SMIM35: variants seen among roughly 807,000 people sequenced by gnomAD.
SMIM35 encodes the protein TMPRSS4 antisense RNA 1 (non-protein coding).
intron 1 of SMIM35, among the ~76,000 whole-genome samples, chr11:118,023,956 C>T (rs1475554737): frequency 6.6e-6 from 1 of 151,104 alleles, no homozygotes; most frequent in South Asian, 2.1e-4. Flanking sequence ...AATGCTTGAA[C>T]CTGGGTGGTG....
rs1944086174 is a variant in SMIM35, at chr11:118,045,631, GA to G, written c.8-29823del. Among the ~76,000 whole-genome samples the G allele has an allele frequency of 6.6e-5, 10 of 152,276 alleles. No homozygotes were observed. The South Asian group carries it at 2.1e-3, about 32-fold the overall frequency. ...TATTTGTGTGATGAATAATATTGCT[GA>G]AGAAAACAAACCAATCACATAACAA... On this transcript the variant is annotated intron_variant, in intron 1 of 4. Transcript: ENST00000689828.
intron 1 of SMIM35, among the ~76,000 whole-genome samples, chr11:118,029,161 C>T (rs568299487): frequency 1.3e-5 from 2 of 152,210 alleles, no homozygotes; most frequent in African/African-American, 4.8e-5. Context: ...TTCTGACCTA[C>T]AATAAAATGT....
At chr11:118,010,765 G>A (rs921199093) in intron 4 of SMIM35, among the ~76,000 whole-genome samples, 3 of 152,190 alleles carry the variant, frequency 2.0e-5, no homozygotes, top group Non-Finnish European at 4.4e-5. Flanking sequence ...GCACCAAAGC[G>A]TGGCAGGGGA....
chr11:118,069,092 T>G (rs987486273), intron 1 of SMIM35, among the ~76,000 whole-genome samples: 4 of 152,204 alleles, frequency 2.6e-5, no homozygotes, highest in African/African-American at 9.7e-5. Flanking sequence ...CTATTCTGCA[T>G]CAGCAGCATC....
chr11:118,048,978 A>G (rs866935635), intron 1 of SMIM35, among the ~76,000 whole-genome samples: 4 of 151,092 alleles, frequency 2.6e-5, no homozygotes, highest in South Asian at 2.1e-4. Flanking sequence ...AGTGAAAACG[A>G]TGATGATTTT....
At chr11:118,043,045 A>G (rs899684984) in intron 1 of SMIM35, among the ~76,000 whole-genome samples, 1 of 152,248 alleles carries the variant, frequency 6.6e-6, no homozygotes, top group Non-Finnish European at 1.5e-5. Context: ...CAATCATGCT[A>G]AATGGTAAAA....
intron 1 of SMIM35, among the ~76,000 whole-genome samples, chr11:118,026,693 G>A (rs536061507): frequency 6.6e-5 from 10 of 152,292 alleles, no homozygotes; most frequent in African/African-American, 2.4e-4. Context: ...TAGGCTGGGC[G>A]TGGTGGCTCA....
intron 1 of SMIM35, among the ~76,000 whole-genome samples, chr11:118,042,210 G>C (rs973046953): frequency 1.3e-5 from 2 of 151,402 alleles, no homozygotes; most frequent in African/African-American, 4.9e-5. Flanking sequence ...CAACAAAACT[G>C]ACAAACCTTT....
intron 1 of SMIM35, among the ~76,000 whole-genome samples, chr11:118,085,758 C>T (rs1342192131): frequency 6.6e-6 from 1 of 152,160 alleles, no homozygotes; most frequent in Non-Finnish European, 1.5e-5. Context: ...CCCCTTCTGG[C>T]CCTCTCGAGT....
chr11:118,086,286 G>A (rs958474774), intron 1 of SMIM35, among the ~76,000 whole-genome samples: 2 of 152,226 alleles, frequency 1.3e-5, no homozygotes, highest in African/African-American at 2.4e-5. Flanking sequence ...ATAATGGCAG[G>A]CTGCCTGACT....
intron 1 of SMIM35, among the ~76,000 whole-genome samples, chr11:118,070,519 T>C (rs946936287): frequency 6.6e-6 from 1 of 152,162 alleles, no homozygotes; most frequent in African/African-American, 2.4e-5. Context: ...ACACTGTATG[T>C]TCATGGTCTG....
At chr11:118,040,954 TATA>T (rs1221085620) in intron 1 of SMIM35, among the ~76,000 whole-genome samples, 4 of 151,330 alleles carry the variant, frequency 2.6e-5, no homozygotes, top group Non-Finnish European at 5.9e-5. Flanking sequence ...TATTGCATAA[TATA>T]ATAATATATA....
chr11:118,056,429 G>A (rs1432019141), intron 1 of SMIM35, among the ~76,000 whole-genome samples: 2 of 152,158 alleles, frequency 1.3e-5, no homozygotes, highest in Non-Finnish European at 1.5e-5. Flanking sequence ...CAACAGGGTG[G>A]ATGGCAATGC....
chr11:118,019,088 T>C (rs1370550157), intron 1 of SMIM35, among the ~76,000 whole-genome samples: 1 of 152,172 alleles, frequency 6.6e-6, no homozygotes, highest in African/African-American at 2.4e-5. Flanking sequence ...TTTTATACCA[T>C]TACTTCATAT....
intron 1 of SMIM35, among the ~76,000 whole-genome samples, chr11:118,021,439 A>C (rs140456357): frequency 1.8e-3 from 280 of 152,158 alleles, no homozygotes; most frequent in African/African-American, 6.6e-3. Flanking sequence ...CCATAATTTT[A>C]ACTTAATTCT....
At chr11:118,085,693 A>G (rs1031912727) in intron 1 of SMIM35, among the ~76,000 whole-genome samples, 5 of 152,102 alleles carry the variant, frequency 3.3e-5, no homozygotes, top group Non-Finnish European at 7.4e-5. Flanking sequence ...GCCCTTCCCA[A>G]TGGCAAACCC....
At chr11:118,049,048 C>T (rs1295529797) in intron 1 of SMIM35, among the ~76,000 whole-genome samples, 1 of 149,196 alleles carries the variant, frequency 6.7e-6, no homozygotes, top group Non-Finnish European at 1.5e-5. Context: ...AGTAAGAGCG[C>T]TATTTCACTA....
chr11:118,030,231 C>G (rs1359327717), intron 1 of SMIM35, among the ~76,000 whole-genome samples: 1 of 151,986 alleles, frequency 6.6e-6, no homozygotes, highest in East Asian at 1.9e-4. Context: ...GATGGGGTTT[C>G]GCCATGTTGG....
chr11:118,013,877 G>A lies in SMIM35; in HGVS notation c.162C>T (p.Asn54=), dbSNP rs914592893. The A allele has an allele frequency of 5.0e-6, 2 of 398,882 alleles. No homozygotes were observed. The highest frequency in any genetic ancestry group is 8.8e-6 in the Non-Finnish European group (2 of 226,084). The allele number at this position is 398,882 out of a possible 1,614,324, so 24.7% of individuals were successfully genotyped here. A position where few individuals can be genotyped will look rare whatever the true frequency, so the allele number is the denominator to read the frequency against. ...GTGGACCCATCTCCAGATCCTTCAG[G>A]TTCCTGAAAAAGATGATCCAATCAG... is the stretch of plus-strand genomic sequence containing the variant. ...NFVFNLYQIR[N]LKDLEMGPPF... is the part of the protein sequence containing the mutation. The change falls in exon 4 of 5, where the codon AAC becomes AAT. Residue 54 remains asparagine, a synonymous_variant. Transcript: ENST00000689828.
Sources: allele counts gnomAD v4.1 joint callset (sites outside exome capture counted in the v4.1 genomes callset), GRCh38; gene constraint gnomAD v4.1.1; transcripts MANE v1.5; gene names NCBI Gene and HGNC (gene_info 2026-07-23, HGNC 2026-07-21).